Variants in DPP6 observed in about 807,000 individuals in gnomAD.
The protein encoded by DPP6 is A-type potassium channel modulatory protein DPP6.
DPP6 carries 69 observed loss-of-function variants against 122.6 expected under a neutral mutation model. The observed-to-expected ratio is 0.56, with a 90% CI of 0.46 to 0.69. The LOEUF (loss-of-function observed/expected upper bound fraction) is 0.69. DPP6 is among the 30% of genes least tolerant of loss of function. DPP6 has a pLI of 0.00. For synonymous variants in DPP6, 418 were observed against 433.1 expected (o/e 0.97, Z 0.43); for missense variants, 928 against 1,116.9 (o/e 0.83, Z 2.41).
intron 1 of DPP6, among the ~76,000 whole-genome samples, chr7:154,438,347 G>C (rs1172034731): frequency 2.0e-5 from 3 of 151,480 alleles, no homozygotes; most frequent in African/African-American, 7.3e-5. Context: ...GCGGGAGCCT[G>C]TAGTCCCAGC....
chr7:154,728,807 G>A (rs1842195362), intron 8 of DPP6, among the ~76,000 whole-genome samples: 1 of 152,190 alleles, frequency 6.6e-6, no homozygotes, highest in South Asian at 2.1e-4. Flanking sequence ...GCAGAGTAGA[G>A]AGAGCTCTGG....
chr7:154,063,632 G>C (rs1397529722), intron 1 of DPP6, among the ~76,000 whole-genome samples: 2 of 134,878 alleles, frequency 1.5e-5, no homozygotes, highest in Non-Finnish European at 3.2e-5. Flanking sequence ...GGCAGGGACT[G>C]AGAGCCACTC....
chr7:154,240,904 C>T (rs893401192), intron 1 of DPP6, among the ~76,000 whole-genome samples: 7 of 152,094 alleles, frequency 4.6e-5, no homozygotes, highest in Non-Finnish European at 7.4e-5. Flanking sequence ...AGCAATACTT[C>T]CACCTTGACA....
chr7:154,125,652 CT>C (rs1807826178), intron 1 of DPP6, among the ~76,000 whole-genome samples: 1 of 152,176 alleles, frequency 6.6e-6, no homozygotes. Context: ...CTGTTACTGG[CT>C]TTCTTCTGCT....
intron 1 of DPP6, among the ~76,000 whole-genome samples, chr7:154,027,762 G>A (rs943191487): frequency 6.6e-6 from 1 of 151,688 alleles, no homozygotes; most frequent in Non-Finnish European, 1.5e-5. Context: ...CAGGTGGTTT[G>A]TCCCTTCTTC....
At chr7:154,187,638 G>T (rs1041010505) in intron 1 of DPP6, among the ~76,000 whole-genome samples, 3 of 152,122 alleles carry the variant, frequency 2.0e-5, no homozygotes, top group Non-Finnish European at 2.9e-5. Flanking sequence ...AATCACGAAG[G>T]GCAGTGTGAT....
In DPP6 at chr7:154,369,964, G is replaced by A. The variant is rs946133743; in HGVS notation, c.244-76250G>A. On this transcript the variant is annotated intron_variant, in intron 1 of 25. Transcript: ENST00000377770. Reference sequence around the variant, plus strand: ...CATATTCATGGGATAGCAGATATATGCATTTATTTATTTATTTATTTATTT... The same window carrying A: ...CATATTCATGGGATAGCAGATATATACATTTATTTATTTATTTATTTATTT... 8.3e-5 allele frequency among the ~76,000 whole-genome samples: 8 copies of A among 96,668 alleles called. No homozygotes were observed. In the Admixed American group the frequency reaches 9.5e-4, roughly 11 times the overall value. The allele number at this position is 96,668 out of a possible 152,430, so 63.4% of individuals were successfully genotyped here.
At chr7:154,288,650 A>G (rs953137250) in intron 1 of DPP6, among the ~76,000 whole-genome samples, 10 of 152,182 alleles carry the variant, frequency 6.6e-5, no homozygotes, top group African/African-American at 2.4e-4. Context: ...AAGCAATTTG[A>G]TTTATACAAT....
chr7:154,567,851 G>A (rs1223717061), intron 5 of DPP6, among the ~76,000 whole-genome samples: 1 of 152,180 alleles, frequency 6.6e-6, no homozygotes, highest in Non-Finnish European at 1.5e-5. Flanking sequence ...GAAAGCTGGG[G>A]TATTGGTTTG....
intron 1 of DPP6, among the ~76,000 whole-genome samples, chr7:154,045,940 G>A (rs1188328383): frequency 6.6e-6 from 1 of 152,096 alleles, no homozygotes; most frequent in African/African-American, 2.4e-5. Context: ...CAAGAAGCAT[G>A]GACTTGACCA....
chr7:154,728,442 T>G (rs1471154959), intron 8 of DPP6, among the ~76,000 whole-genome samples: 1 of 152,230 alleles, frequency 6.6e-6, no homozygotes. Flanking sequence ...TATACATTAT[T>G]AAATAACTAG....
intron 1 of DPP6, among the ~76,000 whole-genome samples, chr7:154,090,580 G>A (rs1804734607): frequency 6.6e-6 from 1 of 151,894 alleles, no homozygotes; most frequent in African/African-American, 2.4e-5. Context: ...GGAATACAAA[G>A]CCACCACCAC....
chr7:154,550,888 T>C (rs2130372292), intron 4 of DPP6, among the ~76,000 whole-genome samples: 1 of 152,144 alleles, frequency 6.6e-6, no homozygotes, highest in Non-Finnish European at 1.5e-5. Context: ...ATAGCTGGGA[T>C]TACAGGCGAG....
intron 1 of DPP6, among the ~76,000 whole-genome samples, chr7:154,425,651 TGTG>T (rs1362996670): frequency 6.7e-6 from 1 of 149,572 alleles, no homozygotes; most frequent in Non-Finnish European, 1.5e-5. Flanking sequence ...TGTGTGTGTG[TGTG>T]TTTACTGAGA....
At chr7:154,743,777 G>T (rs529694996) in intron 8 of DPP6, among the ~76,000 whole-genome samples, 1 of 152,174 alleles carries the variant, frequency 6.6e-6, no homozygotes, top group South Asian at 2.1e-4. Context: ...GCAGGGGATT[G>T]GTTCCAGGAC....
chr7:154,787,095 GA>G (rs975158485), intron 10 of DPP6, among the ~76,000 whole-genome samples: 17 of 152,172 alleles, frequency 1.1e-4, no homozygotes, highest in African/African-American at 4.1e-4. Flanking sequence ...TTTCTGGAGG[GA>G]AAACAAACTA....
At chr7:153,983,324 C>A (rs1796684268) in intron 1 of DPP6, among the ~76,000 whole-genome samples, 2 of 152,232 alleles carry the variant, frequency 1.3e-5, no homozygotes, top group South Asian at 4.1e-4. Context: ...GTCTGAGCTT[C>A]CCTGTGGCTT....
In DPP6 at chr7:154,696,489, T is replaced by C. The variant is rs572010109; in HGVS notation, c.762+27048T>C. Among the ~76,000 whole-genome samples, 7 of 152,292 alleles carry C rather than the reference T, an allele frequency of 4.6e-5. 1 individual carries two copies. The South Asian group carries it at 1.5e-3, about 32-fold the overall frequency. On this transcript the variant is annotated intron_variant, in intron 7 of 25. Transcript: ENST00000377770. Reference sequence around the variant, plus strand: ...GATAGGTTATAGGACCCTCCTAAGTTTGGTGACTTCTGAGGTCTCAGGCTA... The same window carrying C: ...GATAGGTTATAGGACCCTCCTAAGTCTGGTGACTTCTGAGGTCTCAGGCTA...
intron 4 of DPP6, among the ~76,000 whole-genome samples, chr7:154,545,208 C>T (rs952901340): frequency 3.3e-5 from 5 of 152,054 alleles, no homozygotes; most frequent in Non-Finnish European, 7.4e-5. Flanking sequence ...TTTTACGTTT[C>T]ATGCTCCTTA....
Sources: gnomAD v4.1 joint callset for allele counts (sites outside exome capture counted in the v4.1 genomes callset) on GRCh38, gnomAD v4.1.1 for gene constraint, MANE v1.5 for transcripts, NCBI Gene and HGNC (gene_info 2026-07-23, HGNC 2026-07-21) for gene names.